The following UBE2Z variants were observed in gnomAD, a reference collection of about 807,000 sequenced individuals.
UBE2Z encodes the protein ubiquitin conjugating enzyme E2 Z.
UBE2Z carries 10 observed loss-of-function variants against 32.6 expected under a neutral mutation model. That is an observed-to-expected ratio of 0.31 (90% CI 0.19 to 0.52). UBE2Z has a LOEUF of 0.52. UBE2Z is among the 20% of genes least tolerant of loss of function. The pLI, the probability that UBE2Z is intolerant of heterozygous loss-of-function variation, is 0.97. For synonymous variants in UBE2Z, 183 were observed against 190.8 expected (o/e 0.96, Z 0.34); for missense variants, 343 against 480.9 (o/e 0.71, Z 2.68).
Position 48,922,842 on chromosome 17 carries a change from T to TCCATTC in UBE2Z, c.804-2_804-1insTTCCCA. On this transcript the variant is annotated splice_region_variant and splice_polypyrimidine_tract_variant and intron_variant, in intron 5 of 6. Coordinates refer to ENST00000360943, the MANE Select transcript of UBE2Z (RefSeq NM_023079.5). ...CTCACTTACACTTTTCTGCTTGTTT[T>TCCATTC]CCAGAGGGGTGATGGAGAAGTCCTT... The TCCATTC allele has an allele frequency of 6.2e-7, 1 of 1,609,088 alleles. No individual in the cohort carries two copies. The highest frequency in any genetic ancestry group is 8.5e-7 in the Non-Finnish European group (1 of 1,176,230).
intron 1 of UBE2Z, chr17:48,909,109 T>G: frequency 1.3e-5 from 1 of 79,052 alleles, no homozygotes; most frequent in Non-Finnish European, 2.4e-5. Flanking sequence ...CCCCCACACC[T>G]CCCACCTCCG....
Position 48,912,952 on chromosome 17 carries a change from C to T in UBE2Z, c.509C>T (p.Thr170Met), listed in dbSNP as rs2040690877. The change falls in exon 3 of 7, where the codon ACG becomes ATG. Residue 170 changes from threonine to methionine, a missense_variant. Thr to Met is a moderately conservative substitution (Grantham distance 81). Coordinates refer to ENST00000360943, the MANE Select transcript of UBE2Z (RefSeq NM_023079.5). ...IHPPRVKLMT[T>M]GNNTVRFNPN... Reference sequence around the variant, plus strand: ...CCACCTCGGGTCAAACTGATGACAACGGGCAATAACACAGTGAGGTTTAAC... The same window carrying T: ...CCACCTCGGGTCAAACTGATGACAATGGGCAATAACACAGTGAGGTTTAAC... 1.2e-6 allele frequency: 2 copies of T among 1,613,916 alleles called. No homozygotes were observed. The highest frequency in any genetic ancestry group is 1.7e-6 in the Non-Finnish European group (2 of 1,179,888).
At chr17:48,909,509 C>T (rs1198587888) in intron 1 of UBE2Z, among the ~76,000 whole-genome samples, 1 of 151,094 alleles carries the variant, frequency 6.6e-6, no homozygotes, top group African/African-American at 2.4e-5. Context: ...ATTGTAATAT[C>T]CCACTCAGGA....
intron 6 of UBE2Z, 23 bp downstream of exon 6, chr17:48,922,960 T>C (rs2040771190): frequency 6.3e-7 from 1 of 1,595,598 alleles, no homozygotes; most frequent in Admixed American, 1.7e-5. Flanking sequence ...CTGCTGCTAA[T>C]TGCAGAAGCC....
At chr17:48,909,470 C>G (rs1454818925) in intron 1 of UBE2Z, among the ~76,000 whole-genome samples, 1 of 151,818 alleles carries the variant, frequency 6.6e-6, no homozygotes, top group Non-Finnish European at 1.5e-5. Flanking sequence ...CACAGGCTAC[C>G]TCCCCCCAAT....
At chr17:48,926,443 A>G (rs2040798602) in intron 6 of UBE2Z, among the ~76,000 whole-genome samples, 1 of 150,836 alleles carries the variant, frequency 6.6e-6, no homozygotes, top group Non-Finnish European at 1.5e-5. Flanking sequence ...ACTCTAGCCC[A>G]AGCTACACCT....
chr17:48,911,004 G>A (rs2143757389), intron 2 of UBE2Z, 124 bp downstream of exon 2: 1 of 813,458 alleles, frequency 1.2e-6, no homozygotes, highest in South Asian at 1.4e-5. Context: ...AAGACCCCAG[G>A]AGAGTAAGTG....
At position 48,908,656 on chromosome 17, in the gene UBE2Z, A is replaced by G. The variant is rs1371904767; in HGVS notation, c.153A>G (p.Ala51=). 5 of 1,222,002 alleles carry G rather than the reference A, an allele frequency of 4.1e-6. No homozygotes were observed. The highest frequency in any genetic ancestry group is 4.1e-6 in the Non-Finnish European group (4 of 980,650). 75.7% of individuals were successfully genotyped at this position (1,222,002 alleles called of 1,614,324 possible). ...CGGATGTGTGGGCGGCGGCGGCGGC[A>G]GCGGGCGGGGCCGGGGGCCCGGGGA... ...FLPDVWAAAA[A]AGGAGGPGSG... Residue 51 remains alanine (A), a synonymous_variant, in exon 1 of 7, where the codon GCA becomes GCG. Transcript: ENST00000360943.
At chr17:48,913,458 G>A (rs1285392537) in intron 3 of UBE2Z, among the ~76,000 whole-genome samples, 3 of 152,158 alleles carry the variant, frequency 2.0e-5, no homozygotes, top group East Asian at 1.9e-4. Flanking sequence ...AGATTCAAGC[G>A]ATTCTCCTGC....
chr17:48,921,080 C>T (rs2143771581), intron 4 of UBE2Z, 80 bp from the exon 5 acceptor site: 2 of 1,127,410 alleles, frequency 1.8e-6, no homozygotes, highest in Non-Finnish European at 2.6e-6. Context: ...TGACATACCC[C>T]ATACTAATCT....
chr17:48,917,830 C>G (rs1475629763), intron 4 of UBE2Z, among the ~76,000 whole-genome samples: 7 of 152,188 alleles, frequency 4.6e-5, no homozygotes, highest in Non-Finnish European at 7.3e-5. Context: ...CCCAACTTCT[C>G]CCACTCTTCC....
At position 48,923,631 on chromosome 17, in the gene UBE2Z, A is replaced by AAGAATGTCAC. The variant is rs76585013; in HGVS notation, c.894+696_894+697insAATGTCACAG. Reference sequence around the variant, plus strand: ...GAGCGAAACTCGGTCTCAAAAAAAAAAGCTAAAAGCAACCTATATCATTTG... The same window carrying AAGAATGTCAC: ...GAGCGAAACTCGGTCTCAAAAAAAAAAGAATGTCACAGCTAAAAGCAACCTATATCATTTG... On this transcript the variant is annotated intron_variant, in intron 6 of 6. Transcript: ENST00000360943. Among the ~76,000 whole-genome samples, 26 of 151,682 alleles carry AAGAATGTCAC rather than the reference A, an allele frequency of 1.7e-4. No homozygotes were observed. In the South Asian group the frequency reaches 3.9e-3, roughly 23 times the overall value.
In UBE2Z at chr17:48,916,261, T is replaced by G. The variant is rs569695067; in HGVS notation, c.690+74T>G. 2.0e-4 allele frequency: 131 copies of G among 658,214 alleles called. No individual in the cohort carries two copies. The Middle Eastern group carries it at 3.1e-3, about 15-fold the overall frequency. The allele number at this position is 658,214 out of a possible 1,614,324, so 40.8% of individuals were successfully genotyped here. On this transcript the variant is annotated intron_variant, in intron 4 of 6. Coordinates refer to ENST00000360943, the MANE Select transcript of UBE2Z (RefSeq NM_023079.5). ...TGTTTGGTTGGTTGGTTTTTTTGTT[T>G]TTTTTTTTTTTTGAGACAGAGTCTT...
Position 48,908,664 on chromosome 17 carries a change from G to A in UBE2Z, c.161G>A (p.Gly54Glu). 3 of 1,223,162 alleles carry A rather than the reference G, an allele frequency of 2.5e-6. No homozygotes were observed. The highest frequency in any genetic ancestry group is 2.0e-6 in the Non-Finnish European group (2 of 981,816). 75.8% of individuals were successfully genotyped at this position (1,223,162 alleles called of 1,614,324 possible). Residue 54 changes from glycine to glutamate, a missense_variant, in exon 1 of 7, where the codon GGG becomes GAG. This residue lies in a region of UBE2Z where 103 missense variants were observed against 96.2 expected (regional missense o/e 1.07). Coordinates refer to ENST00000360943, the MANE Select transcript of UBE2Z (RefSeq NM_023079.5). ...TGGGCGGCGGCGGCGGCAGCGGGCG[G>A]GGCCGGGGGCCCGGGGAGCGGCCTG... Reference protein sequence around the residue: ...DVWAAAAAAGGAGGPGSGLAP... With the variant: ...DVWAAAAAAGEAGGPGSGLAP...
intron 5 of UBE2Z, among the ~76,000 whole-genome samples, chr17:48,921,484 AGTCCACACGC>A (rs1389472094): frequency 6.6e-6 from 1 of 152,238 alleles, no homozygotes; most frequent in Admixed American, 6.5e-5. Context: ...TGGGAGAGGC[AGTCCACACGC>A]TCAGGGAGCT....
intron 1 of UBE2Z, 87 bp downstream of exon 1, chr17:48,908,907 C>A (rs1189752733): frequency 1.4e-5 from 15 of 1,038,090 alleles, no homozygotes; most frequent in Non-Finnish European, 1.8e-5. Context: ...AACTCACCCC[C>A]CACCCACTGC....
intron 3 of UBE2Z, among the ~76,000 whole-genome samples, chr17:48,913,616 G>A (rs1048988621): frequency 6.6e-6 from 1 of 152,214 alleles, no homozygotes; most frequent in African/African-American, 2.4e-5. Flanking sequence ...GCCTCCCAAA[G>A]TGCTGGGATT....
At chr17:48,918,903 C>T (rs142521621) in intron 4 of UBE2Z, among the ~76,000 whole-genome samples, 1,730 of 151,998 alleles carry the variant, frequency 0.011, 48 homozygotes, top group African/African-American at 0.04. Flanking sequence ...CACACCATGA[C>T]GCCTGGCTAA....
At position 48,908,687 on chromosome 17, in the gene UBE2Z, C is replaced by T; in HGVS notation, c.184C>T (p.Leu62=). 2 of 1,267,320 alleles carry T rather than the reference C, an allele frequency of 1.6e-6. No homozygotes were observed. Among genetic ancestry groups the T allele is most frequent in the Non-Finnish European group, 2.0e-6 (2 of 1,008,120 alleles). 78.5% of individuals were successfully genotyped at this position (1,267,320 alleles called of 1,614,324 possible). Residue 62 remains leucine (L), a synonymous_variant, in exon 1 of 7, where the codon CTG becomes TTG. Coordinates refer to ENST00000360943, the MANE Select transcript of UBE2Z (RefSeq NM_023079.5). ...AGGAGGPGSG[L]APLPGLPPSA... is the part of the protein sequence containing the mutation. Reference sequence around the variant, plus strand: ...CGGGGCCGGGGGCCCGGGGAGCGGCCTGGCTCCGCTGCCCGGGCTCCCGCC... The same window carrying T: ...CGGGGCCGGGGGCCCGGGGAGCGGCTTGGCTCCGCTGCCCGGGCTCCCGCC...
Sources: gnomAD v4.1 joint callset for allele counts (sites outside exome capture counted in the v4.1 genomes callset) on GRCh38, gnomAD v4.1.1 for gene constraint, gnomAD v4.1.1 regional missense constraint, MANE v1.5 for transcripts, NCBI Gene and HGNC (gene_info 2026-07-23, HGNC 2026-07-21) for gene names.